The following HDAC3 variants were observed in gnomAD, a reference collection of about 807,000 sequenced individuals.
HDAC3 encodes SMAP45.
A neutral mutation model predicts 62.3 loss-of-function variants in HDAC3; 21 were observed. The ratio of observed to expected loss-of-function variants is 0.34; its 90% confidence interval spans 0.24 to 0.49. HDAC3 has a LOEUF of 0.49. HDAC3 is among the 20% of genes least tolerant of loss of function. The pLI, the probability that HDAC3 is intolerant of heterozygous loss-of-function variation, is 0.99. For missense variants in HDAC3, 270 were observed against 556.9 expected (o/e 0.48, Z 5.19); for synonymous variants, 198 against 206.5 (o/e 0.96, Z 0.35).
chr5:141,626,439 G>C lies in HDAC3; in HGVS notation c.831-156C>G. ...ATTATGTTATACCCTTAAGATTTGG[G>C]TATACTTTATATGCTGTGTCTCAAT... On this transcript the variant is annotated intron_variant, in intron 10 of 14. Transcript: ENST00000305264. This position sits in a 1 kb window ranked among gnomAD's most constrained non-coding sequence, Gnocchi z 4.6. The C allele has an allele frequency of 1.5e-6, 1 of 651,698 alleles. No individual in the cohort carries two copies. Among genetic ancestry groups the C allele is most frequent in the East Asian group, 2.7e-5 (1 of 36,444 alleles). The allele number at this position is 651,698 out of a possible 1,614,324, so 40.4% of individuals were successfully genotyped here.
rs994995240 is a variant in HDAC3 at position 141,626,698 on chromosome 5, G to GT, written c.831-416dup. Among the ~76,000 whole-genome samples, 1 of 151,208 alleles carries GT rather than the reference G, an allele frequency of 6.6e-6. No individual in the cohort carries two copies. Among genetic ancestry groups the GT allele is most frequent in the African/African-American group, 2.4e-5 (1 of 41,064 alleles). ...GCAGAGCTTGCACTGAGCCAAGATC[G>GT]TGCCACTGCACTCCAGCCTGGGTGA... is the stretch of plus-strand genomic sequence containing the variant. On this transcript the variant is annotated intron_variant, in intron 10 of 14. Transcript: ENST00000305264. The surrounding 1 kb of genome is among the most constrained non-coding windows in gnomAD (Gnocchi z 4.6).
At position 141,629,750 on chromosome 5, in the gene HDAC3, A is replaced by G. The variant is rs1416635158; in HGVS notation, c.421-11T>C. Reference sequence around the variant, plus strand: ...GCAGAAGCCAGAGGCCTATGGCAAGACAGTGGTCTCATAAAGAGAAGAGCA... The same window carrying G: ...GCAGAAGCCAGAGGCCTATGGCAAGGCAGTGGTCTCATAAAGAGAAGAGCA... On this transcript the variant is annotated splice_polypyrimidine_tract_variant and intron_variant, in intron 5 of 14. Transcript: ENST00000305264. The surrounding 1 kb of genome is among the most constrained non-coding windows in gnomAD (Gnocchi z 5.3). 1 of 1,614,038 alleles carries G rather than the reference A, an allele frequency of 6.2e-7. No individual in the cohort carries two copies. The highest frequency in any genetic ancestry group is 1.1e-5 in the South Asian group (1 of 91,072).
Position 141,629,430 on chromosome 5 carries a change from C to T in HDAC3, c.477-124G>A. The T allele has an allele frequency of 4.3e-6, 6 of 1,386,756 alleles. No homozygotes were observed. In the South Asian group the frequency reaches 5.2e-5, roughly 12 times the overall value. The allele number at this position is 1,386,756 out of a possible 1,614,324, so 85.9% of individuals were successfully genotyped here. On this transcript the variant is annotated intron_variant, in intron 6 of 14. Coordinates refer to ENST00000305264, the MANE Select transcript of HDAC3 (RefSeq NM_003883.4). The surrounding 1 kb of genome is among the most constrained non-coding windows in gnomAD (Gnocchi z 5.3). ...CCTGGTCACCTGAAACTTAATGTCA[C>T]CAGTTCCCTAAAGGCAACTGGGGGC... is the stretch of plus-strand genomic sequence containing the variant.
At chr5:141,622,118 G>A in intron 14 of HDAC3, among the ~76,000 whole-genome samples, 1 of 152,214 alleles carries the variant, frequency 6.6e-6, no homozygotes, top group East Asian at 1.9e-4. Context: ...GATCCTGGAT[G>A]TAGGTAAGGG....
chr5:141,627,081 A>G (rs2099904540), intron 10 of HDAC3, among the ~76,000 whole-genome samples: 1 of 152,116 alleles, frequency 6.6e-6, no homozygotes, highest in Non-Finnish European at 1.5e-5. Flanking sequence ...GCTCTGCACA[A>G]TCTCACCATG....
intron 3 of HDAC3, among the ~76,000 whole-genome samples, chr5:141,633,110 C>T (rs1048830554): frequency 3.9e-5 from 6 of 152,184 alleles, no homozygotes; most frequent in Non-Finnish European, 8.8e-5. Flanking sequence ...GATTTACCAG[C>T]AACCCTTGGC....
chr5:141,636,269 T>C (rs749259735), intron 2 of HDAC3: 4 of 493,088 alleles, frequency 8.1e-6, no homozygotes, highest in Non-Finnish European at 1.5e-5. Flanking sequence ...GGAACACACC[T>C]TCTGTCTTCA....
At position 141,636,847 on chromosome 5, in the gene HDAC3, A is replaced by C. The variant is rs577861200; in HGVS notation, c.-57T>G. The C allele has an allele frequency of 6.6e-6, 9 of 1,363,982 alleles. No individual in the cohort carries two copies. The East Asian group carries it at 2.3e-4, about 35-fold the overall frequency. The allele number at this position is 1,363,982 out of a possible 1,614,324, so 84.5% of individuals were successfully genotyped here. A position where few individuals can be genotyped will look rare whatever the true frequency, so the allele number is the denominator to read the frequency against. ...CCGCCCGCCGCCCGCGGCCGCCGCCAGCCCCTCCCCGGCCGTGCGTGCTGC... is the reference window on the plus strand; with the variant it reads ...CCGCCCGCCGCCCGCGGCCGCCGCCCGCCCCTCCCCGGCCGTGCGTGCTGC... On this transcript the variant is annotated 5_prime_UTR_variant, in exon 1 of 15. Transcript: ENST00000305264.
rs369340651 is a variant in HDAC3 at position 141,629,958 on chromosome 5, C to A, written c.364-42G>T. On this transcript the variant is annotated intron_variant, in intron 4 of 14. Transcript: ENST00000305264. This position sits in a 1 kb window ranked among gnomAD's most constrained non-coding sequence, Gnocchi z 5.3. ...TAAGTCACAGTCCTTCCTGCCCACC[C>A]CTCAAGCTGGGAGCCCAGGATCAGG... The A allele has an allele frequency of 1.1e-5, 18 of 1,613,374 alleles. No homozygotes were observed. In the African/African-American group the frequency reaches 2.3e-4, roughly 20 times the overall value.
Position 141,634,869 on chromosome 5 carries a change from G to A in HDAC3, c.223C>T (p.Pro75Ser). 1 of 1,614,054 alleles carries A rather than the reference G, an allele frequency of 6.2e-7. No individual in the cohort carries two copies. Among genetic ancestry groups the A allele is most frequent in the Non-Finnish European group, 8.5e-7 (1 of 1,179,980 alleles). ...DYIDFLQRVS[P>S]TNMQGFTKSL... ...TTGGTGAAGCCTTGCATATTGGTGG[G>A]GCTGACTCTCTGCAGGAAGTCAATG... The change falls in exon 3 of 15, where the codon CCC (proline) becomes TCC (serine). Residue 75 changes from proline to serine, a missense_variant. Pro to Ser is a moderately conservative substitution (Grantham distance 74). Transcript: ENST00000305264.
chr5:141,636,830 C>CGCCCGCG lies in HDAC3; in HGVS notation c.-47_-41dup. Reference sequence around the variant, plus strand: ...CAGGCCCCGCACCTCCGCCGCCCGCCGCCCGCGGCCGCCGCCAGCCCCTCC... The same window carrying CGCCCGCG: ...CAGGCCCCGCACCTCCGCCGCCCGCCGCCCGCGGCCCGCGGCCGCCGCCAGCCCCTCC... On this transcript the variant is annotated 5_prime_UTR_variant, in exon 1 of 15. Coordinates refer to ENST00000305264, the MANE Select transcript of HDAC3 (RefSeq NM_003883.4). 1.4e-6 allele frequency: 2 copies of CGCCCGCG among 1,439,300 alleles called. No individual in the cohort carries two copies. Among genetic ancestry groups the CGCCCGCG allele is most frequent in the South Asian group, 1.6e-5 (1 of 63,704 alleles). The allele number at this position is 1,439,300 out of a possible 1,614,324, so 89.2% of individuals were successfully genotyped here. A position where few individuals can be genotyped will look rare whatever the true frequency, so the allele number is the denominator to read the frequency against.
chr5:141,623,119 G>A (rs1304178015), intron 14 of HDAC3, among the ~76,000 whole-genome samples: 5 of 151,854 alleles, frequency 3.3e-5, no homozygotes, highest in Non-Finnish European at 4.4e-5. Context: ...GCGAAACTCC[G>A]TCTCAAAAAA....
chr5:141,626,548 A>G lies in HDAC3; in HGVS notation c.831-265T>C, dbSNP rs556991495. ...CCCTGCCTGCTAATCAACTATTCTC[A>G]TCAACCCAAGTTCTGTCAATTCTAG... On this transcript the variant is annotated intron_variant, in intron 10 of 14. Transcript: ENST00000305264. This position sits in a 1 kb window ranked among gnomAD's most constrained non-coding sequence, Gnocchi z 4.6. 4 of 443,296 alleles carry G rather than the reference A, an allele frequency of 9.0e-6. No individual in the cohort carries two copies. Among genetic ancestry groups the G allele is most frequent in the Non-Finnish European group, 1.7e-5 (4 of 240,826 alleles). The allele number at this position is 443,296 out of a possible 1,614,324, so 27.5% of individuals were successfully genotyped here. A position where few individuals can be genotyped will look rare whatever the true frequency, so the allele number is the denominator to read the frequency against.
Position 141,626,488 on chromosome 5 carries a change from T to TC in HDAC3, c.831-206dup, listed in dbSNP as rs2099904432. The TC allele has an allele frequency of 1.8e-6, 1 of 570,368 alleles. No individual in the cohort carries two copies. The highest frequency in any genetic ancestry group is 2.0e-5 in the South Asian group (1 of 50,116). The allele number at this position is 570,368 out of a possible 1,614,324, so 35.3% of individuals were successfully genotyped here. ...ATAAAAATTTTAAAATAAAGCACAGTCCCCCCTCTGTTCTGCTCAACACCC... is the reference window on the plus strand; with the variant it reads ...ATAAAAATTTTAAAATAAAGCACAGTCCCCCCCTCTGTTCTGCTCAACACCC... On this transcript the variant is annotated intron_variant, in intron 10 of 14. Coordinates refer to ENST00000305264, the MANE Select transcript of HDAC3 (RefSeq NM_003883.4). The surrounding 1 kb of genome is among the most constrained non-coding windows in gnomAD (Gnocchi z 4.6).
intron 14 of HDAC3, among the ~76,000 whole-genome samples, chr5:141,621,894 G>A (rs530322458): frequency 6.6e-6 from 1 of 152,332 alleles, no homozygotes; most frequent in African/African-American, 2.4e-5. Context: ...GTGATGAGAG[G>A]AAAAGGGTGA....
chr5:141,634,492 CA>C (rs1477501929), intron 3 of HDAC3, among the ~76,000 whole-genome samples: 3 of 152,080 alleles, frequency 2.0e-5, no homozygotes, highest in Non-Finnish European at 4.4e-5. Flanking sequence ...AGGAAGGCCC[CA>C]CCGACCAGCC....
Position 141,628,332 on chromosome 5 carries a change from G to A in HDAC3, c.692-145C>T, listed in dbSNP as rs557638722. 338 of 768,220 alleles carry A rather than the reference G, an allele frequency of 4.4e-4. 4 individuals carry two copies. The South Asian group carries it at 5.3e-3, about 12-fold the overall frequency. 47.6% of individuals were successfully genotyped at this position (768,220 alleles called of 1,614,324 possible). ...AATCACTGGTCTGAAACTTCTGGAA[G>A]GGATCCCAGACTGCTATGAGTGACT... is the stretch of plus-strand genomic sequence containing the variant. On this transcript the variant is annotated intron_variant, in intron 8 of 14. Transcript: ENST00000305264. The surrounding 1 kb of genome is among the most constrained non-coding windows in gnomAD (Gnocchi z 4.7).
chr5:141,632,118 G>T (rs1317392572), intron 3 of HDAC3, among the ~76,000 whole-genome samples: 257 of 6,764 alleles, frequency 0.038, no homozygotes, highest in East Asian at 0.092. Context: ...CCAACTCCCG[G>T]GTTCAAGCAA....
chr5:141,623,715 C>T (rs752039931), intron 14 of HDAC3, among the ~76,000 whole-genome samples: 3 of 152,014 alleles, frequency 2.0e-5, no homozygotes, highest in Non-Finnish European at 4.4e-5. Context: ...AGGAGAGATT[C>T]GGAGGCCTGA....
Sources: gnomAD v4.1 joint callset for allele counts (sites outside exome capture counted in the v4.1 genomes callset) on GRCh38, gnomAD v4.1.1 for gene constraint, Gnocchi (gnomAD v3.1) non-coding constraint, MANE v1.5 for transcripts, NCBI Gene and HGNC (gene_info 2026-07-23, HGNC 2026-07-21) for gene names.